BRIP1: variants seen among roughly 807,000 people sequenced by gnomAD.
BRIP1 encodes the protein Fanconi anemia group J protein.
Under a neutral mutation model 119.7 loss-of-function variants are expected in BRIP1, and 88 were observed. That is an observed-to-expected ratio of 0.74 (90% CI 0.62 to 0.88). The LOEUF (loss-of-function observed/expected upper bound fraction) is 0.88. Ranked by LOEUF, BRIP1 falls within the 40% of genes least tolerant of loss-of-function variation. BRIP1 has a pLI of 0.00. For synonymous variants in BRIP1, 443 were observed against 496.5 expected, an observed-to-expected ratio of 0.89 and a Z score of 1.43; for missense variants, 1,259 against 1,455.4, an observed-to-expected ratio of 0.87 and a Z score of 2.20.
At chr17:61,849,568 A>T (rs1758692070) in intron 4 of BRIP1, among the ~76,000 whole-genome samples, 1 of 152,200 alleles carries the variant, frequency 6.6e-6, no homozygotes, top group Non-Finnish European at 1.5e-5. Context: ...AATATATTTC[A>T]TGTCTGTAAA....
At chr17:61,785,903 C>G (rs2378904) in intron 10 of BRIP1, among the ~76,000 whole-genome samples, 150,461 of 152,154 alleles carry the variant, frequency 0.99, 74,415 homozygotes, top group East Asian at 1. Flanking sequence ...TTCCAGTTAG[C>G]TTACCTACAC....
Position 61,776,792 on chromosome 17 carries a change from A to G in BRIP1, c.1936-230T>C, listed in dbSNP as rs2077541993. ...TTAGAGTGAAAATTCTTTGAAAGCA[A>G]AACAGGTTGTACCTGTCTCTGTTTA... On this transcript the variant is annotated intron_variant, in intron 13 of 19. Transcript: ENST00000259008. This position sits in a 1 kb window ranked among gnomAD's most constrained non-coding sequence, Gnocchi z 5.0. Among the ~76,000 whole-genome samples the G allele has an allele frequency of 6.6e-6, 1 of 152,254 alleles. No homozygotes were observed. Among genetic ancestry groups the G allele is most frequent in the Admixed American group, 6.5e-5 (1 of 15,286 alleles).
rs2077060262 is a variant in BRIP1, at chr17:61,746,564, A to C, written c.2098-1973T>G. The stretch of plus-strand genomic sequence containing the variant: ...AATTCTAAGATACTAAATAGATTCT[A>C]AGTCAAAAATTGTCACAAGAGACAA... On this transcript the variant is annotated intron_variant, in intron 14 of 19. Coordinates refer to ENST00000259008, the MANE Select transcript of BRIP1 (RefSeq NM_032043.3). The surrounding 1 kb of genome is among the most constrained non-coding windows in gnomAD (Gnocchi z 4.9). 7.3e-6 allele frequency among the ~76,000 whole-genome samples: 1 copy of C among 137,632 alleles called. No homozygotes were observed. The highest frequency in any genetic ancestry group is 2.7e-5 in the African/African-American group (1 of 36,962). 90.3% of individuals were successfully genotyped at this position (137,632 alleles called of 152,430 possible).
At position 61,681,061 on chromosome 17, in the gene BRIP1, C is replaced by T. The variant is rs930818953; in HGVS notation, c.*2235G>A. On this transcript the variant is annotated 3_prime_UTR_variant, in exon 20 of 20. Transcript: ENST00000259008. The surrounding 1 kb of genome is among the most constrained non-coding windows in gnomAD (Gnocchi z 5.1). ...AATGAGAGTGAAGCAGGGAAAAGCT[C>T]CTTATAAAATCATCAGGTCTCATAA... Among the ~76,000 whole-genome samples, 1 of 152,176 alleles carries T rather than the reference C, an allele frequency of 6.6e-6. No individual in the cohort carries two copies. The highest frequency in any genetic ancestry group is 2.4e-5 in the African/African-American group (1 of 41,532).
rs546322166 is a variant in BRIP1, at chr17:61,848,504, A to G, written c.507+625T>C. On this transcript the variant is annotated intron_variant, in intron 5 of 19. Transcript: ENST00000259008. The surrounding 1 kb of genome is among the most constrained non-coding windows in gnomAD (Gnocchi z 4.3). ...TGGGATTACAGTCGTGAGCCACTGT[A>G]TTCAGCCTAATAATTATCTTTTTTA... Among the ~76,000 whole-genome samples the G allele has an allele frequency of 1.1e-3, 172 of 152,222 alleles. No individual in the cohort carries two copies. Among genetic ancestry groups the G allele is most frequent in the African/African-American group, 3.9e-3 (162 of 41,540 alleles).
rs1471051045 is a variant in BRIP1, at chr17:61,757,845, T to A, written c.2098-13254A>T. Among the ~76,000 whole-genome samples the A allele has an allele frequency of 6.6e-6, 1 of 151,550 alleles. No individual in the cohort carries two copies. Among genetic ancestry groups the A allele is most frequent in the Non-Finnish European group, 1.5e-5 (1 of 67,850 alleles). ...CTAAACCCCATCTCTACAAAAAAAA[T>A]AACTGGGCATGGTGGTATGTTCCTG... On this transcript the variant is annotated intron_variant, in intron 14 of 19. Coordinates refer to ENST00000259008, the MANE Select transcript of BRIP1 (RefSeq NM_032043.3). This position sits in a 1 kb window ranked among gnomAD's most constrained non-coding sequence, Gnocchi z 4.3.
At chr17:61,714,606 T>A (rs950517398) in intron 17 of BRIP1, among the ~76,000 whole-genome samples, 1 of 152,154 alleles carries the variant, frequency 6.6e-6, no homozygotes, top group African/African-American at 2.4e-5. Context: ...AACAACTCAC[T>A]TCTCAGAATA....
At chr17:61,727,647 C>A (rs1476182082) in intron 16 of BRIP1, among the ~76,000 whole-genome samples, 1 of 151,890 alleles carries the variant, frequency 6.6e-6, no homozygotes, top group Non-Finnish European at 1.5e-5. Flanking sequence ...TCTGTAGTCC[C>A]AGCTACTTAG....
chr17:61,851,427 C>T lies in BRIP1; in HGVS notation c.380-2171G>A, dbSNP rs865927689. Among the ~76,000 whole-genome samples the T allele has an allele frequency of 1.3e-5, 2 of 151,998 alleles. No homozygotes were observed. Among genetic ancestry groups the T allele is most frequent in the South Asian group, 4.1e-4 (2 of 4,826 alleles). ...TATCAGAAGTAGGTCTTTAATCTAC[C>T]TTGAATGGGCTTTTGTATATGGTAT... On this transcript the variant is annotated intron_variant, in intron 4 of 19. Transcript: ENST00000259008. This position sits in a 1 kb window ranked among gnomAD's most constrained non-coding sequence, Gnocchi z 4.6.
Position 61,832,042 on chromosome 17 carries a change from C to G in BRIP1, c.627+15059G>C, listed in dbSNP as rs1021777776. On this transcript the variant is annotated intron_variant, in intron 6 of 19. Coordinates refer to ENST00000259008, the MANE Select transcript of BRIP1 (RefSeq NM_032043.3). This position sits in a 1 kb window ranked among gnomAD's most constrained non-coding sequence, Gnocchi z 5.5. ...AAAGGGCCTGGAGCAGCAACTCCAA[C>G]AGCAATGAGCAAAACTAACTCCCAG... is the stretch of plus-strand genomic sequence containing the variant. 1.3e-5 allele frequency among the ~76,000 whole-genome samples: 2 copies of G among 152,168 alleles called. No homozygotes were observed. The highest frequency in any genetic ancestry group is 2.9e-5 in the Non-Finnish European group (2 of 68,038).
chr17:61,830,505 C>G (rs1018100000), intron 6 of BRIP1, among the ~76,000 whole-genome samples: 7 of 151,998 alleles, frequency 4.6e-5, no homozygotes, highest in African/African-American at 9.7e-5. Context: ...CATATCACTA[C>G]AAATCCTACA....
chr17:61,754,004 T>C lies in BRIP1; in HGVS notation c.2098-9413A>G, dbSNP rs1460842421. Among the ~76,000 whole-genome samples the C allele has an allele frequency of 6.6e-6, 1 of 152,184 alleles. No individual in the cohort carries two copies. The highest frequency in any genetic ancestry group is 1.5e-5 in the Non-Finnish European group (1 of 68,030). The stretch of plus-strand genomic sequence containing the variant: ...AGACTCTAAACATTTCTCACTATCT[T>C]TACTGCTACCACAGTGGTCCAAGCC... On this transcript the variant is annotated intron_variant, in intron 14 of 19. Coordinates refer to ENST00000259008, the MANE Select transcript of BRIP1 (RefSeq NM_032043.3). This position sits in a 1 kb window ranked among gnomAD's most constrained non-coding sequence, Gnocchi z 4.1.
intron 6 of BRIP1, among the ~76,000 whole-genome samples, chr17:61,817,762 A>G (rs1431249811): frequency 6.6e-6 from 1 of 152,202 alleles, no homozygotes; most frequent in Non-Finnish European, 1.5e-5. Context: ...TAGAAAACCA[A>G]TGGTTATTGC....
chr17:61,791,905 T>C (rs2077823910), intron 10 of BRIP1, among the ~76,000 whole-genome samples: 1 of 152,232 alleles, frequency 6.6e-6, no homozygotes, highest in Non-Finnish European at 1.5e-5. Flanking sequence ...TTATGCTATC[T>C]GAAATAAGCC....
rs2061679346 is a variant in BRIP1 at position 61,705,554 on chromosome 17, A to G, written c.2492+10397T>C. On this transcript the variant is annotated intron_variant, in intron 17 of 19. Coordinates refer to ENST00000259008, the MANE Select transcript of BRIP1 (RefSeq NM_032043.3). The surrounding 1 kb of genome is among the most constrained non-coding windows in gnomAD (Gnocchi z 5.0). ...TCATTATTTTTGTTACAATTCATCAATTTATACTTGTTTTTATTACTCCTT... is the reference window on the plus strand; with the variant it reads ...TCATTATTTTTGTTACAATTCATCAGTTTATACTTGTTTTTATTACTCCTT... 6.6e-6 allele frequency among the ~76,000 whole-genome samples: 1 copy of G among 152,120 alleles called. No homozygotes were observed. The highest frequency in any genetic ancestry group is 6.6e-5 in the Admixed American group (1 of 15,266).
rs573304589 is a variant in BRIP1, at chr17:61,822,675, G to A, written c.628-13918C>T. ...AAAACATAACATGGTTATAGCTAAGGAAAAGAATCAATAGAAAGGAGGAAA... is the reference window on the plus strand; with the variant it reads ...AAAACATAACATGGTTATAGCTAAGAAAAAGAATCAATAGAAAGGAGGAAA... On this transcript the variant is annotated intron_variant, in intron 6 of 19. Coordinates refer to ENST00000259008, the MANE Select transcript of BRIP1 (RefSeq NM_032043.3). This position sits in a 1 kb window ranked among gnomAD's most constrained non-coding sequence, Gnocchi z 4.4. Among the ~76,000 whole-genome samples, 2 of 152,100 alleles carry A rather than the reference G, an allele frequency of 1.3e-5. No individual in the cohort carries two copies. Among genetic ancestry groups the A allele is most frequent in the Middle Eastern group, 6.8e-3 (2 of 294 alleles).
intron 14 of BRIP1, among the ~76,000 whole-genome samples, chr17:61,773,095 T>A (rs1603324342): frequency 6.6e-6 from 1 of 150,792 alleles, no homozygotes; most frequent in East Asian, 1.9e-4. Flanking sequence ...AACAACAAGG[T>A]TTTAATGATA....
intron 10 of BRIP1, among the ~76,000 whole-genome samples, chr17:61,787,132 C>G (rs1418267249): frequency 1.0e-5 from 1 of 97,376 alleles, no homozygotes; most frequent in African/African-American, 4.3e-5. Context: ...ATATTATATA[C>G]TATATAAAAT....
intron 8 of BRIP1, among the ~76,000 whole-genome samples, chr17:61,800,095 T>A (rs971464150): frequency 1.3e-5 from 2 of 152,190 alleles, no homozygotes; most frequent in African/African-American, 4.8e-5. Flanking sequence ...GCTAGCTGCT[T>A]ATGGTTATCT....
Sources: allele counts gnomAD v4.1 joint callset (sites outside exome capture counted in the v4.1 genomes callset), GRCh38; gene constraint gnomAD v4.1.1; non-coding constraint Gnocchi (gnomAD v3.1); transcripts MANE v1.5; gene names NCBI Gene and HGNC (gene_info 2026-07-23, HGNC 2026-07-21).